Variants in PTPRD observed in about 807,000 individuals in gnomAD.
The protein encoded by PTPRD is receptor-type tyrosine-protein phosphatase delta.
A neutral mutation model predicts 214.5 loss-of-function variants in PTPRD; 34 were observed. The ratio of observed to expected loss-of-function variants is 0.16; its 90% CI spans 0.12 to 0.21. The LOEUF (loss-of-function observed/expected upper bound fraction) is 0.21. Among genes scored for constraint, PTPRD ranks in the 10% least tolerant of loss-of-function variants. PTPRD has a pLI of 1.00. For missense variants in PTPRD, 2,545 were observed against 2,398.7 expected, an observed-to-expected ratio of 1.06 and a Z score of -1.27; for synonymous variants, 1,128 against 845.7, an observed-to-expected ratio of 1.33 and a Z score of -5.79.
At chr9:9,621,871 A>C (rs1411930550) in intron 7 of PTPRD, among the ~76,000 whole-genome samples, 1 of 152,046 alleles carries the variant, frequency 6.6e-6, no homozygotes, top group Non-Finnish European at 1.5e-5. Flanking sequence ...TACTTTATTT[A>C]GGTTTGTTTT....
rs930039601 is a variant in PTPRD at position 9,489,940 on chromosome 9, C to A, written c.-237+84792G>T. Among the ~76,000 whole-genome samples the A allele has an allele frequency of 2.6e-5, 4 of 151,884 alleles. No individual in the cohort carries two copies. In the East Asian group the frequency reaches 7.7e-4, roughly 29 times the overall value. The stretch of plus-strand genomic sequence containing the variant: ...TTTAAGTAAGTTGAACAAAGAAACT[C>A]GCATCAAGACAGGTTGTCAACAAAA... On this transcript the variant is annotated intron_variant, in intron 8 of 45. Transcript: ENST00000381196.
chr9:10,160,437 C>G (rs1227378776), intron 3 of PTPRD, among the ~76,000 whole-genome samples: 1 of 151,792 alleles, frequency 6.6e-6, no homozygotes, highest in Non-Finnish European at 1.5e-5. Context: ...GAATGAATAC[C>G]AATTCTTCTC....
intron 11 of PTPRD, among the ~76,000 whole-genome samples, chr9:9,004,226 T>A (rs2099442953): frequency 6.6e-6 from 1 of 152,054 alleles, no homozygotes; most frequent in South Asian, 2.1e-4. Flanking sequence ...TTAGGAAGCA[T>A]CCACATTATT....
intron 5 of PTPRD, among the ~76,000 whole-genome samples, chr9:9,795,442 T>C (rs1244422921): frequency 3.9e-5 from 6 of 152,002 alleles, no homozygotes; most frequent in Admixed American, 3.9e-4. Context: ...ATTTGGATAG[T>C]GGAAAAAAAC....
chr9:9,017,094 G>C (rs1001896439), intron 11 of PTPRD, among the ~76,000 whole-genome samples: 9 of 151,852 alleles, frequency 5.9e-5, no homozygotes, highest in Non-Finnish European at 1.2e-4. Context: ...AAGACACTGC[G>C]ACTATTAGTA....
In PTPRD at chr9:10,232,960, A is replaced by C. The variant is rs559842574; in HGVS notation, c.-545+108003T>G. On this transcript the variant is annotated intron_variant, in intron 3 of 45. Coordinates refer to ENST00000381196, the MANE Select transcript of PTPRD (RefSeq NM_002839.4). ...CCTCACTATCATTTTATCCACTGAAAAAGGGAAAAACCCTCACTGGCATTC... is the reference window on the plus strand; with the variant it reads ...CCTCACTATCATTTTATCCACTGAACAAGGGAAAAACCCTCACTGGCATTC... 2.0e-4 allele frequency among the ~76,000 whole-genome samples: 30 copies of C among 152,134 alleles called. No individual in the cohort carries two copies. The South Asian group carries it at 4.6e-3, about 23-fold the overall frequency.
At chr9:8,351,366 A>G (rs2075391777) in intron 39 of PTPRD, among the ~76,000 whole-genome samples, 1 of 152,160 alleles carries the variant, frequency 6.6e-6, no homozygotes, top group African/African-American at 2.4e-5. Flanking sequence ...TGGTGGCAGT[A>G]CAGATAAACT....
chr9:9,676,623 A>G (rs956869860), intron 7 of PTPRD, among the ~76,000 whole-genome samples: 1 of 152,028 alleles, frequency 6.6e-6, no homozygotes, highest in African/African-American at 2.4e-5. Context: ...ATGATTTATA[A>G]TCCTTTGGGT....
chr9:10,274,618 T>C (rs541210571), intron 3 of PTPRD, among the ~76,000 whole-genome samples: 3 of 152,188 alleles, frequency 2.0e-5, no homozygotes, highest in Non-Finnish European at 4.4e-5. Context: ...TCACAAACTT[T>C]GTCTTTAGAT....
At chr9:9,050,158 C>A (rs2099682056) in intron 10 of PTPRD, among the ~76,000 whole-genome samples, 1 of 152,206 alleles carries the variant, frequency 6.6e-6, no homozygotes, top group South Asian at 2.1e-4. Flanking sequence ...ATTGTCCTGC[C>A]ACAGGACAGA....
At chr9:9,047,544 A>T (rs2099675232) in intron 10 of PTPRD, among the ~76,000 whole-genome samples, 1 of 152,140 alleles carries the variant, frequency 6.6e-6, no homozygotes, top group Non-Finnish European at 1.5e-5. Flanking sequence ...TGGCATAAAA[A>T]CAGACACATA....
chr9:10,204,903 C>T (rs541494144), intron 3 of PTPRD, among the ~76,000 whole-genome samples: 2 of 152,232 alleles, frequency 1.3e-5, no homozygotes, highest in South Asian at 4.1e-4. Flanking sequence ...AAAATTATTA[C>T]TTACTAAGGC....
chr9:9,459,766 T>A (rs2093454641), intron 8 of PTPRD, among the ~76,000 whole-genome samples: 1 of 152,138 alleles, frequency 6.6e-6, no homozygotes, highest in Non-Finnish European at 1.5e-5. Flanking sequence ...ATGACCCTAC[T>A]TTCTTAAGCA....
intron 2 of PTPRD, among the ~76,000 whole-genome samples, chr9:10,397,833 G>A (rs1031082554): frequency 8.6e-5 from 13 of 151,846 alleles, no homozygotes; most frequent in Admixed American, 2.0e-4. Context: ...TAGTCTAGCT[G>A]TATAGTAGGC....
chr9:8,642,683 C>G (rs1490998496), intron 12 of PTPRD, among the ~76,000 whole-genome samples: 1 of 152,138 alleles, frequency 6.6e-6, no homozygotes, highest in African/African-American at 2.4e-5. Context: ...GGGTAGTAGC[C>G]TGGTCTGAAG....
intron 8 of PTPRD, among the ~76,000 whole-genome samples, chr9:9,412,652 CATA>C (rs2075828240): frequency 6.6e-6 from 1 of 152,184 alleles, no homozygotes; most frequent in African/African-American, 2.4e-5. Context: ...AATTTGTCTT[CATA>C]CACACCTCTC....
chr9:10,217,177 G>T (rs569386522), intron 3 of PTPRD, among the ~76,000 whole-genome samples: 1 of 151,540 alleles, frequency 6.6e-6, no homozygotes, highest in South Asian at 2.1e-4. Flanking sequence ...TAAAGAAGTT[G>T]TATTTACTTG....
rs184415849 is a variant in PTPRD at position 8,317,123 on chromosome 9, C to T, written c.*751G>A. 77 of 231,522 alleles carry T rather than the reference C, an allele frequency of 3.3e-4. No individual in the cohort carries two copies. The highest frequency in any genetic ancestry group is 1.1e-3 in the South Asian group (6 of 5,498). The allele number at this position is 231,522 out of a possible 1,614,324, so 14.3% of individuals were successfully genotyped here. A position where few individuals can be genotyped will look rare whatever the true frequency, so the allele number is the denominator to read the frequency against. The stretch of plus-strand genomic sequence containing the variant: ...TGAAGTGTAAAATTAATATATCTGA[C>T]GAGACTGATACTGTAGATTGAGTTT... On this transcript the variant is annotated 3_prime_UTR_variant, in exon 46 of 46. Coordinates refer to ENST00000381196, the MANE Select transcript of PTPRD (RefSeq NM_002839.4).
chr9:8,338,789 G>T (rs1031901398), intron 43 of PTPRD, 133 bp downstream of exon 43: 10 of 768,070 alleles, frequency 1.3e-5, no homozygotes, highest in African/African-American at 1.8e-5. Flanking sequence ...AAAAAAAAAC[G>T]TTCTCCAGAA....
Sources: gnomAD v4.1 joint callset for allele counts (sites outside exome capture counted in the v4.1 genomes callset) on GRCh38, gnomAD v4.1.1 for gene constraint, MANE v1.5 for transcripts, NCBI Gene and HGNC (gene_info 2026-07-23, HGNC 2026-07-21) for gene names.